The following NLGN1 variants were observed in gnomAD, a reference collection of about 807,000 sequenced individuals.
NLGN1 encodes the protein neuroligin 1.
A neutral mutation model predicts 65.5 loss-of-function variants in NLGN1; 12 were observed. That is an observed-to-expected ratio of 0.18 (90% CI 0.12 to 0.30). The LOEUF is 0.30. Ranked by LOEUF, NLGN1 falls within the 10% of genes least tolerant of loss-of-function variation. The pLI is 1.00. For synonymous variants in NLGN1, 350 were observed against 359.5 expected (o/e 0.97, Z 0.30); for missense variants, 750 against 1,007.1 (o/e 0.74, Z 3.46).
At chr3:173,526,071 T>G (rs62292662) in intron 2 of NLGN1, among the ~76,000 whole-genome samples, 59,469 of 151,914 alleles carry the variant, frequency 0.39, 13,278 homozygotes, top group East Asian at 0.82. Flanking sequence ...AAATGTATAT[T>G]CTGTTGTTGT....
At chr3:174,259,796 C>G (rs1288873044) in intron 4 of NLGN1, among the ~76,000 whole-genome samples, 2 of 151,098 alleles carry the variant, frequency 1.3e-5, no homozygotes, top group African/African-American at 2.4e-5. Context: ...AAATCGTCAT[C>G]TAGCATTAGG....
chr3:173,414,367 A>G (rs1713240083), intron 1 of NLGN1, among the ~76,000 whole-genome samples: 1 of 152,176 alleles, frequency 6.6e-6, no homozygotes, highest in South Asian at 2.1e-4. Context: ...GAATGATTAA[A>G]TGGCTATCTT....
chr3:173,921,997 A>G (rs915246045), intron 4 of NLGN1, among the ~76,000 whole-genome samples: 138 of 152,220 alleles, frequency 9.1e-4, no homozygotes, highest in African/African-American at 3.1e-3. Context: ...TTAGCAACCC[A>G]GGGTGGTGCT....
At chr3:174,161,870 G>T (rs574875075) in intron 4 of NLGN1, among the ~76,000 whole-genome samples, 1 of 151,842 alleles carries the variant, frequency 6.6e-6, no homozygotes, top group South Asian at 2.1e-4. Flanking sequence ...TATATGTATT[G>T]AAAGAAATCA....
intron 4 of NLGN1, among the ~76,000 whole-genome samples, chr3:174,115,264 T>G (rs1193084426): frequency 6.6e-6 from 1 of 152,186 alleles, no homozygotes; most frequent in African/African-American, 2.4e-5. Context: ...TGGAGTTTAC[T>G]CATTTTCCAA....
intron 4 of NLGN1, among the ~76,000 whole-genome samples, chr3:173,869,536 A>G (rs1205412467): frequency 1.3e-5 from 2 of 152,114 alleles, no homozygotes; most frequent in African/African-American, 4.8e-5. Flanking sequence ...CTATACCCCA[A>G]ATCTACCATT....
chr3:173,466,331 T>C (rs1724350367), intron 2 of NLGN1, among the ~76,000 whole-genome samples: 1 of 152,190 alleles, frequency 6.6e-6, no homozygotes, highest in Non-Finnish European at 1.5e-5. Context: ...TACAGTGCTG[T>C]GCTGGTAATC....
chr3:173,935,622 A>ACACACT (rs761590257), intron 4 of NLGN1, among the ~76,000 whole-genome samples: 3 of 107,998 alleles, frequency 2.8e-5, no homozygotes, highest in Non-Finnish European at 4.0e-5. Context: ...ACACACACAC[A>ACACACT]CTCTCTCTCT....
chr3:173,774,735 G>A (rs1780048610), intron 3 of NLGN1, among the ~76,000 whole-genome samples: 1 of 152,006 alleles, frequency 6.6e-6, no homozygotes, highest in Non-Finnish European at 1.5e-5. Flanking sequence ...TTGTTTCTGA[G>A]TACATTGGTA....
At chr3:173,974,982 A>T (rs1039421745) in intron 4 of NLGN1, among the ~76,000 whole-genome samples, 1 of 152,046 alleles carries the variant, frequency 6.6e-6, no homozygotes, top group African/African-American at 2.4e-5. Context: ...ATTACATTCA[A>T]TGAGTTCAAA....
intron 4 of NLGN1, among the ~76,000 whole-genome samples, chr3:174,109,059 A>G (rs1576918641): frequency 6.6e-6 from 1 of 152,104 alleles, no homozygotes. Flanking sequence ...GAAAAGATAC[A>G]GGCTAAATAT....
chr3:174,212,991 C>T (rs1736971921), intron 4 of NLGN1, among the ~76,000 whole-genome samples: 1 of 152,130 alleles, frequency 6.6e-6, no homozygotes, highest in African/African-American at 2.4e-5. Flanking sequence ...TACATTAGAC[C>T]CACCTGGATA....
chr3:174,073,255 A>G (rs924904351), intron 4 of NLGN1, among the ~76,000 whole-genome samples: 1 of 152,114 alleles, frequency 6.6e-6, no homozygotes, highest in Non-Finnish European at 1.5e-5. Flanking sequence ...CTTTTAGAAC[A>G]TTATTCCATT....
exon 7 of NLGN1, chr3:174,281,340 T>C: frequency 7.5e-7 from 1 of 1,334,898 alleles, no homozygotes; most frequent in South Asian, 1.3e-5. Context: ...TTTGATGGAT[T>C]GCAGTAAACG....
At chr3:173,874,787 G>C (rs1731815555) in intron 4 of NLGN1, among the ~76,000 whole-genome samples, 1 of 152,106 alleles carries the variant, frequency 6.6e-6, no homozygotes, top group African/African-American at 2.4e-5. Context: ...TACATTTTGG[G>C]TGATAAATTT....
In NLGN1 at chr3:173,589,199, TG is replaced by T. The variant is rs1748019149; in HGVS notation, c.-320-15078del. ...AATATGTACTTTTTTCACTTTCTCC[TG>T]GTTTGTATAGAAATTTTAGTTTAGT... On this transcript the variant is annotated intron_variant, in intron 2 of 6. Transcript: ENST00000457714. 4.6e-5 allele frequency among the ~76,000 whole-genome samples: 7 copies of T among 152,220 alleles called. No homozygotes were observed. In the South Asian group the frequency reaches 1.4e-3, roughly 31 times the overall value.
intron 4 of NLGN1, among the ~76,000 whole-genome samples, chr3:174,198,841 A>ATTTT (rs1319387076): frequency 8.5e-5 from 7 of 82,796 alleles, no homozygotes; most frequent in South Asian, 3.7e-4. Context: ...TCATGACTAG[A>ATTTT]TTCTTTTTTT....
intron 4 of NLGN1, among the ~76,000 whole-genome samples, chr3:174,141,391 A>G (rs1722247996): frequency 6.6e-6 from 1 of 151,026 alleles, no homozygotes; most frequent in Non-Finnish European, 1.5e-5. Context: ...AAAATGTCTC[A>G]TGTGAAGAAG....
At chr3:173,991,317 A>G (rs537732654) in intron 4 of NLGN1, among the ~76,000 whole-genome samples, 4 of 152,320 alleles carry the variant, frequency 2.6e-5, no homozygotes, top group East Asian at 1.9e-4. Context: ...CATATTATCT[A>G]TATGACTTTT....
Sources: gnomAD v4.1 joint callset for allele counts (sites outside exome capture counted in the v4.1 genomes callset) on GRCh38, gnomAD v4.1.1 for gene constraint, MANE v1.5 for transcripts, NCBI Gene and HGNC (gene_info 2026-07-23, HGNC 2026-07-21) for gene names.